The following MAX variants were observed in gnomAD, a reference collection of about 807,000 sequenced individuals.
MAX encodes the protein MYC associated transcriptional regulator X.
Under a neutral mutation model 22.3 loss-of-function variants are expected in MAX, and 3 were observed. The observed-to-expected ratio is 0.13, with a 90% CI of 0.06 to 0.35. The LOEUF (loss-of-function observed/expected upper bound fraction) is 0.35, where lower values mean the gene tolerates loss of function less well. Among genes scored for constraint, MAX ranks in the 10% least tolerant of loss-of-function variants. The probability of loss-of-function intolerance (pLI) is 1.00; values close to 1 mark genes in which losing one functional copy is unlikely to be tolerated. For missense variants in MAX, 119 were observed against 209.4 expected (o/e 0.57, Z 2.66); for synonymous variants, 72 against 77.7 (o/e 0.93, Z 0.39).
downstream of MAX, among the ~76,000 whole-genome samples, chr14:65,070,985 T>C (rs1333549051): frequency 6.6e-6 from 1 of 152,210 alleles, no homozygotes; most frequent in Non-Finnish European, 1.5e-5. The surrounding 1 kb of genome is among the most constrained non-coding windows in gnomAD (Gnocchi z 4.4). Context: ...CTTTTTTTTC[T>C]CCAAAAGGTA....
rs780744832 is a variant in MAX at position 65,027,686 on chromosome 14, C to T, written c.172-21402G>A. On this transcript the variant is annotated intron_variant, in intron 3 of 3. Coordinates refer to the MAX transcript ENST00000341653. This position sits in a 1 kb window ranked among gnomAD's most constrained non-coding sequence, Gnocchi z 5.7. ...GACTGTTGCCTCTCCTACCTCTTTC[C>T]CTGTTTCTCAGAGAGAAGCTTCTTC... 1 of 1,614,182 alleles carries T rather than the reference C, an allele frequency of 6.2e-7. No homozygotes were observed. The highest frequency in any genetic ancestry group is 1.1e-5 in the South Asian group (1 of 91,084).
chr14:65,016,841 C>G (rs1273388926), intron 3 of MAX, among the ~76,000 whole-genome samples: 1 of 151,612 alleles, frequency 6.6e-6, no homozygotes, highest in East Asian at 1.9e-4. Context: ...GCAAGCCTGG[C>G]TGCTTCCAGC....
chr14:65,035,490 CT>C (rs1730779104), intron 3 of MAX, among the ~76,000 whole-genome samples: 1 of 152,064 alleles, frequency 6.6e-6, no homozygotes, highest in Non-Finnish European at 1.5e-5. Flanking sequence ...TTTGCCCTTT[CT>C]TTCCTCTTCT....
At chr14:65,053,322 C>CG (rs768774237) in intron 3 of MAX, 64 of 1,437,036 alleles carry the variant, frequency 4.5e-5, no homozygotes, top group South Asian at 1.4e-4. Flanking sequence ...CAGTGCCCTG[C>CG]GGGGGGGCTT....
chr14:65,068,183 C>T (rs2062950234), intron 3 of MAX, among the ~76,000 whole-genome samples: 1 of 152,024 alleles, frequency 6.6e-6, no homozygotes, highest in Non-Finnish European at 1.5e-5. Flanking sequence ...GCCTGTAATC[C>T]CAGCACTTTG....
intron 3 of MAX, among the ~76,000 whole-genome samples, chr14:65,035,473 T>C (rs2062167332): frequency 6.6e-6 from 1 of 152,168 alleles, no homozygotes; most frequent in Non-Finnish European, 1.5e-5. Context: ...TGGGTTTGAA[T>C]CCCAGTTTTG....
rs779273416 is a variant in MAX at position 65,031,410 on chromosome 14, C to T, written c.172-25126G>A. Among the ~76,000 whole-genome samples, 28 of 151,350 alleles carry T rather than the reference C, an allele frequency of 1.9e-4. No individual in the cohort carries two copies. Among genetic ancestry groups the T allele is most frequent in the Admixed American group, 3.3e-4 (5 of 15,214 alleles). ...TTGGCTCACTGCAACCCCCGCCTCC[C>T]GGGTTCAAGTGGTTCTCCTGCCTCA... is the stretch of plus-strand genomic sequence containing the variant. On this transcript the variant is annotated intron_variant, in intron 3 of 3. Coordinates refer to the MAX transcript ENST00000341653. This position sits in a 1 kb window ranked among gnomAD's most constrained non-coding sequence, Gnocchi z 4.6.
chr14:65,088,613 A>G lies in MAX; in HGVS notation c.171+5095T>C, dbSNP rs141428124. On this transcript the variant is annotated intron_variant, in intron 3 of 4. Coordinates refer to ENST00000358664, the MANE Select transcript of MAX (RefSeq NM_002382.5). The surrounding 1 kb of genome is among the most constrained non-coding windows in gnomAD (Gnocchi z 5.2). The stretch of plus-strand genomic sequence containing the variant: ...GTCAGCCTTAAACGCATCAACAGGA[A>G]TGAGCCATCTCCCAAAATAATGTGG... Among the ~76,000 whole-genome samples the G allele has an allele frequency of 6.6e-6, 1 of 152,340 alleles. No individual in the cohort carries two copies. Among genetic ancestry groups the G allele is most frequent in the African/African-American group, 2.4e-5 (1 of 41,580 alleles).
At chr14:65,008,439 G>A (rs898909470) in intron 3 of MAX, among the ~76,000 whole-genome samples, 1 of 152,232 alleles carries the variant, frequency 6.6e-6, no homozygotes, top group African/African-American at 2.4e-5. Flanking sequence ...CCCTGGGCCT[G>A]CCCCTGCTGG....
rs1362595535 is a variant in MAX, at chr14:65,069,172, GA to G, written c.171+24535del. ...TGTGCCTGGATACCAAGGGACCAGT[GA>G]AAGTGGTGGAATAGAATCGTGACCC... On this transcript the variant is annotated intron_variant, in intron 3 of 3. Coordinates refer to the MAX transcript ENST00000341653. This position sits in a 1 kb window ranked among gnomAD's most constrained non-coding sequence, Gnocchi z 4.6. 6.6e-6 allele frequency among the ~76,000 whole-genome samples: 1 copy of G among 152,200 alleles called. No homozygotes were observed. The highest frequency in any genetic ancestry group is 1.5e-5 in the Non-Finnish European group (1 of 68,032).
intron 3 of MAX, among the ~76,000 whole-genome samples, chr14:65,056,307 TCTC>T (rs1329238120): frequency 5.3e-5 from 8 of 152,222 alleles, no homozygotes; most frequent in African/African-American, 1.7e-4. Flanking sequence ...GTTTCTCTGT[TCTC>T]CTGCTAGTTA....
At chr14:65,053,521 A>G (rs1005778810) in intron 3 of MAX, among the ~76,000 whole-genome samples, 1 of 151,826 alleles carries the variant, frequency 6.6e-6, no homozygotes, top group Non-Finnish European at 1.5e-5. Flanking sequence ...CCTTGAGGCC[A>G]TTGATCTTGG....
intron 3 of MAX, chr14:65,040,950 G>A: frequency 6.2e-7 from 1 of 1,608,694 alleles, no homozygotes; most frequent in Non-Finnish European, 8.5e-7. Flanking sequence ...CCCCCTCTCA[G>A]GCCCCAGGTC....
At chr14:65,097,588 T>C (rs2139924749) in intron 2 of MAX, among the ~76,000 whole-genome samples, 1 of 152,332 alleles carries the variant, frequency 6.6e-6, no homozygotes, top group South Asian at 2.1e-4. Context: ...CAATATTTAC[T>C]ACCTTTACAA....
chr14:65,075,211 A>G lies in MAX; in HGVS notation c.*1265T>C, dbSNP rs2063027180. 9.5e-7 allele frequency: 1 copy of G among 1,049,934 alleles called. No homozygotes were observed. Among genetic ancestry groups the G allele is most frequent in the Non-Finnish European group, 1.1e-6 (1 of 869,738 alleles). The allele number at this position is 1,049,934 out of a possible 1,614,324, so 65.0% of individuals were successfully genotyped here. Reference sequence around the variant, plus strand: ...AGACAATTCTTCGGCAGTATGTACAACATACTTTTTATTTCCATGGAATGG... The same window carrying G: ...AGACAATTCTTCGGCAGTATGTACAGCATACTTTTTATTTCCATGGAATGG... On this transcript the variant is annotated 3_prime_UTR_variant, in exon 5 of 5. Coordinates refer to ENST00000358664, the MANE Select transcript of MAX (RefSeq NM_002382.5). The surrounding 1 kb of genome is among the most constrained non-coding windows in gnomAD (Gnocchi z 4.1).
chr14:65,051,102 A>T (rs960597157), intron 3 of MAX, among the ~76,000 whole-genome samples: 3 of 152,196 alleles, frequency 2.0e-5, no homozygotes, highest in Non-Finnish European at 4.4e-5. Context: ...GGGAGATTGG[A>T]TGCTTCTCCT....
Position 65,023,197 on chromosome 14 carries a change from T to C in MAX, c.172-16913A>G, listed in dbSNP as rs1399225431. ...CCTCAGCCTCCTGAGTAGCTGGGGC[T>C]AGAGGTGGGTGCCAACGTGCCTGGT... On this transcript the variant is annotated intron_variant, in intron 3 of 3. Coordinates refer to the MAX transcript ENST00000341653. The surrounding 1 kb of genome is among the most constrained non-coding windows in gnomAD (Gnocchi z 4.1). Among the ~76,000 whole-genome samples the C allele has an allele frequency of 2.0e-5, 3 of 152,154 alleles. No individual in the cohort carries two copies. Among genetic ancestry groups the C allele is most frequent in the Non-Finnish European group, 4.4e-5 (3 of 68,026 alleles).
intron 3 of MAX, among the ~76,000 whole-genome samples, chr14:65,017,123 A>G (rs1389964826): frequency 3.3e-5 from 5 of 151,984 alleles, no homozygotes; most frequent in Non-Finnish European, 5.9e-5. Context: ...GGCTTTCACC[A>G]TATTGACCAG....
chr14:65,053,060 C>T (rs1227447790), intron 3 of MAX: 1 of 408,096 alleles, frequency 2.5e-6, no homozygotes, highest in Non-Finnish European at 4.2e-6. Flanking sequence ...TGTCAAAGTT[C>T]AGGAGAAGGG....
Sources: gnomAD v4.1 joint callset for allele counts (sites outside exome capture counted in the v4.1 genomes callset) on GRCh38, gnomAD v4.1.1 for gene constraint, Gnocchi (gnomAD v3.1) non-coding constraint, MANE v1.5 for transcripts, NCBI Gene and HGNC (gene_info 2026-07-23, HGNC 2026-07-21) for gene names.